KCND3: variants seen among roughly 807,000 people sequenced by gnomAD.
KCND3 encodes A-type voltage-gated potassium channel KCND3.
Under a neutral mutation model 51.1 loss-of-function variants are expected in KCND3, and 9 were observed. That is an observed-to-expected ratio of 0.18 (90% CI 0.11 to 0.31). The LOEUF is 0.31. KCND3 is among the 10% of genes least tolerant of loss of function. The probability of loss-of-function intolerance (pLI) is 1.00; values close to 1 mark genes in which losing one functional copy is unlikely to be tolerated. For synonymous variants in KCND3, 349 were observed against 368.0 expected (o/e 0.95, Z 0.59); for missense variants, 526 against 903.8 (o/e 0.58, Z 5.36).
At chr1:111,882,108 T>A (rs1016800421) in intron 2 of KCND3, among the ~76,000 whole-genome samples, 2 of 152,202 alleles carry the variant, frequency 1.3e-5, no homozygotes, top group Non-Finnish European at 2.9e-5. Flanking sequence ...TGAGTGCCTG[T>A]ACCCAGTTTC....
chr1:111,857,704 C>T (rs374500141), intron 2 of KCND3, among the ~76,000 whole-genome samples: 6 of 150,972 alleles, frequency 4.0e-5, no homozygotes, highest in South Asian at 2.1e-4. Flanking sequence ...TCCTCCCCAG[C>T]GCCAGGTGAA....
At chr1:111,832,247 A>G (rs79217208) in intron 2 of KCND3, among the ~76,000 whole-genome samples, 2,108 of 152,312 alleles carry the variant, frequency 0.014, 41 homozygotes, top group African/African-American at 0.046. Context: ...TGTGGTCCCA[A>G]GCATGTGCAT....
chr1:111,861,355 C>A (rs991825562), intron 2 of KCND3, among the ~76,000 whole-genome samples: 4 of 152,146 alleles, frequency 2.6e-5, no homozygotes, highest in African/African-American at 9.7e-5. Context: ...GAGATTGAGG[C>A]ACATAGAGGT....
chr1:111,950,375 G>C (rs1298859071), intron 2 of KCND3, among the ~76,000 whole-genome samples: 1 of 152,178 alleles, frequency 6.6e-6, no homozygotes, highest in Non-Finnish European at 1.5e-5. Flanking sequence ...CCTTCCGCCT[G>C]TCCTTGTGGT....
intron 2 of KCND3, among the ~76,000 whole-genome samples, chr1:111,817,297 T>C (rs1219249972): frequency 1.3e-5 from 2 of 152,030 alleles, no homozygotes; most frequent in Non-Finnish European, 2.9e-5. Context: ...TGGGGATGCA[T>C]TGAGATGGGC....
At chr1:111,958,458 T>C (rs1470796388) in intron 2 of KCND3, among the ~76,000 whole-genome samples, 1 of 152,180 alleles carries the variant, frequency 6.6e-6, no homozygotes, top group African/African-American at 2.4e-5. Context: ...CCCTGTGAGC[T>C]TCACTTAGTT....
rs564853615 is a variant in KCND3 at position 111,901,930 on chromosome 1, C to T, written c.1106+79691G>A. Among the ~76,000 whole-genome samples, 7 of 152,300 alleles carry T rather than the reference C, an allele frequency of 4.6e-5. No individual in the cohort carries two copies. The South Asian group carries it at 1.5e-3, about 32-fold the overall frequency. The stretch of plus-strand genomic sequence containing the variant: ...GAATGAAAAGTGGAGCCTCATTTTG[C>T]AGCTGAGACTGAGGCCAGGAGAAGT... On this transcript the variant is annotated intron_variant, in intron 2 of 7. Coordinates refer to ENST00000302127, the MANE Select transcript of KCND3 (RefSeq NM_001378969.1).
intron 2 of KCND3, among the ~76,000 whole-genome samples, chr1:111,947,757 C>T (rs1198593564): frequency 6.6e-6 from 1 of 152,178 alleles, no homozygotes; most frequent in Non-Finnish European, 1.5e-5. Context: ...CTCATAATGG[C>T]TAAAAAATAA....
chr1:111,892,170 G>C (rs1571807659), intron 2 of KCND3, among the ~76,000 whole-genome samples: 1 of 152,220 alleles, frequency 6.6e-6, no homozygotes, highest in African/African-American at 2.4e-5. Context: ...CGACGGATGA[G>C]GCAGGTGTTT....
At chr1:111,925,905 C>T (rs1436217867) in intron 2 of KCND3, among the ~76,000 whole-genome samples, 1 of 152,166 alleles carries the variant, frequency 6.6e-6, no homozygotes, top group Non-Finnish European at 1.5e-5. Context: ...ACACCATCCT[C>T]TTTCCCAGCC....
At chr1:111,890,329 T>G (rs181480408) in intron 2 of KCND3, among the ~76,000 whole-genome samples, 1 of 152,080 alleles carries the variant, frequency 6.6e-6, no homozygotes, top group Non-Finnish European at 1.5e-5. Context: ...TCTTGAGAGG[T>G]TGGATATGGG....
At chr1:111,967,059 G>A (rs769779851) in intron 2 of KCND3, among the ~76,000 whole-genome samples, 20 of 151,218 alleles carry the variant, frequency 1.3e-4, no homozygotes, top group Non-Finnish European at 2.8e-4. Flanking sequence ...AGAATCGCTT[G>A]AGCCCAGGAG....
intron 2 of KCND3, among the ~76,000 whole-genome samples, chr1:111,921,466 C>G (rs951896764): frequency 1.9e-4 from 29 of 152,176 alleles, no homozygotes; most frequent in Admixed American, 1.4e-3. Flanking sequence ...TGGGGACCAG[C>G]AAGAGATGCT....
At chr1:111,925,116 G>A (rs936695568) in intron 2 of KCND3, among the ~76,000 whole-genome samples, 1 of 152,234 alleles carries the variant, frequency 6.6e-6, no homozygotes, top group Non-Finnish European at 1.5e-5. Context: ...GGACAAAGAA[G>A]AAGCTGGCTG....
chr1:111,841,634 G>A (rs1261560137), intron 2 of KCND3, among the ~76,000 whole-genome samples: 1 of 152,208 alleles, frequency 6.6e-6, no homozygotes, highest in African/African-American at 2.4e-5. Flanking sequence ...TATCTTTTGG[G>A]GTTGATGTGA....
intron 2 of KCND3, among the ~76,000 whole-genome samples, chr1:111,914,199 C>A (rs1344243684): frequency 6.7e-6 from 1 of 149,416 alleles, no homozygotes; most frequent in African/African-American, 2.5e-5. Flanking sequence ...TTAACAGATA[C>A]ATCAAAAGGA....
intron 2 of KCND3, among the ~76,000 whole-genome samples, chr1:111,791,633 G>A (rs897570155): frequency 1.3e-5 from 2 of 152,162 alleles, no homozygotes; most frequent in Admixed American, 6.5e-5. Flanking sequence ...CTGTGGTAGC[G>A]ATGGTGATGA....
At chr1:111,903,880 G>A (rs1362301071) in intron 2 of KCND3, among the ~76,000 whole-genome samples, 1 of 152,194 alleles carries the variant, frequency 6.6e-6, no homozygotes, top group Non-Finnish European at 1.5e-5. Flanking sequence ...TGGGAGGCCA[G>A]AACCTTGATC....
At chr1:111,952,919 G>C (rs1393937335) in intron 2 of KCND3, among the ~76,000 whole-genome samples, 2 of 152,066 alleles carry the variant, frequency 1.3e-5, no homozygotes, top group African/African-American at 4.8e-5. Flanking sequence ...TTCTCAATCA[G>C]ATAAAAAGGA....
Sources: gnomAD v4.1 joint callset for allele counts (sites outside exome capture counted in the v4.1 genomes callset) on GRCh38, gnomAD v4.1.1 for gene constraint, MANE v1.5 for transcripts, NCBI Gene and HGNC (gene_info 2026-07-23, HGNC 2026-07-21) for gene names.